The following SRD5A2 variants were observed in gnomAD, a reference collection of about 807,000 sequenced individuals.
SRD5A2 encodes steroid 5 alpha-reductase 2, also known as 3-oxo-5-alpha-steroid 4-dehydrogenase 2.
A neutral mutation model predicts 27.4 loss-of-function variants in SRD5A2; 30 were observed. The ratio of observed to expected loss-of-function variants is 1.10; its 90% CI spans 0.82 to 1.49. The LOEUF (loss-of-function observed/expected upper bound fraction) is 1.49, where lower values mean the gene tolerates loss of function less well. SRD5A2 is among the 40% of genes most tolerant of loss of function. SRD5A2 has a pLI of 0.00. For missense variants in SRD5A2, 348 were observed against 323.4 expected, an observed-to-expected ratio of 1.08 and a Z score of -0.58; for synonymous variants, 141 against 133.6, an observed-to-expected ratio of 1.06 and a Z score of -0.38.
At chr2:31,591,765 T>G in the SRD5A2 span, among the ~76,000 whole-genome samples, 1 of 61,756 alleles carries the variant, frequency 1.6e-5, no homozygotes, top group Non-Finnish European at 3.1e-5. Context: ...CCATNAAAAA[T>G]GATGAGTTCA....
the SRD5A2 span, among the ~76,000 whole-genome samples, chr2:31,646,845 A>C: frequency 6.6e-6 from 1 of 152,190 alleles, no homozygotes; most frequent in Non-Finnish European, 1.5e-5. Flanking sequence ...AAACAAAGCA[A>C]AACAAAAAAA....
At chr2:31,583,637 AAGCAAAAAAAAAACCAAAAAAAAAG>A (rs1558379433), upstream of SRD5A2, among the ~76,000 whole-genome samples, 3 of 22,390 alleles carry the variant, frequency 1.3e-4, no homozygotes, top group Non-Finnish European at 2.3e-4. Context: ...AACAAAAAAA[AAGCAAAAAAAAAACCAAAAAAAAAG>A]CAAAAAAAAA....
At chr2:31,583,652 C>CAAAAAAAAAAAAAAAAAAAAAAAAAAAAA (rs1352139998), upstream of SRD5A2, among the ~76,000 whole-genome samples, 3 of 20,930 alleles carry the variant, frequency 1.4e-4, no homozygotes, top group African/African-American at 2.7e-4. Flanking sequence ...AAAAAAAAAC[C>CAAAAAAAAAAAAAAAAAAAAAAAAAAAAA]AAAAAAAAAG....
chr2:31,621,779 GGTATATA>G, the SRD5A2 span, among the ~76,000 whole-genome samples: 1 of 151,922 alleles, frequency 6.6e-6, no homozygotes. Flanking sequence ...TAGAACTACA[GGTATATA>G]CCACCACCCC....
chr2:31,584,125 G>T (rs1303598771), upstream of SRD5A2, among the ~76,000 whole-genome samples: 2 of 152,176 alleles, frequency 1.3e-5, no homozygotes, highest in Non-Finnish European at 2.9e-5. Flanking sequence ...GTTGGGGAAC[G>T]TATGAGCCCT....
chr2:31,536,083 T>G (rs1211156731), intron 1 of SRD5A2, among the ~76,000 whole-genome samples: 2 of 152,232 alleles, frequency 1.3e-5, no homozygotes, highest in Non-Finnish European at 2.9e-5. Flanking sequence ...AAAAAGTAAC[T>G]GATACAGGAT....
the SRD5A2 span, among the ~76,000 whole-genome samples, chr2:31,616,589 T>C: frequency 1.3e-5 from 2 of 152,186 alleles, no homozygotes; most frequent in African/African-American, 4.8e-5. Context: ...GCAGCCCCCT[T>C]TGTTTTGCCC....
At chr2:31,594,530 A>G in the SRD5A2 span, among the ~76,000 whole-genome samples, 1 of 152,190 alleles carries the variant, frequency 6.6e-6, no homozygotes, top group Non-Finnish European at 1.5e-5. Flanking sequence ...TGCACCTAAC[A>G]CTGGAGTTCC....
the SRD5A2 span, among the ~76,000 whole-genome samples, chr2:31,638,743 C>CT: frequency 1.0e-4 from 15 of 149,874 alleles, no homozygotes; most frequent in Admixed American, 2.0e-4. Context: ...TATTTCTTCT[C>CT]TTTTTTTTTC....
At chr2:31,581,427 C>A (rs960314762), upstream of SRD5A2, among the ~76,000 whole-genome samples, 1 of 152,122 alleles carries the variant, frequency 6.6e-6, no homozygotes, top group Non-Finnish European at 1.5e-5. Context: ...TTCCTTGGAC[C>A]CTGAACCATC....
chr2:31,597,771 A>T, the SRD5A2 span, among the ~76,000 whole-genome samples: 2 of 152,208 alleles, frequency 1.3e-5, no homozygotes, highest in Non-Finnish European at 2.9e-5. Flanking sequence ...TACTCCAGCA[A>T]GATTGGCCAT....
chr2:31,550,019 TA>T (rs1259557086), intron 1 of SRD5A2, among the ~76,000 whole-genome samples: 3 of 151,970 alleles, frequency 2.0e-5, no homozygotes, highest in Non-Finnish European at 2.9e-5. Flanking sequence ...GACAAATTTT[TA>T]AAAAGTAAAA....
At chr2:31,602,723 G>A in the SRD5A2 span, among the ~76,000 whole-genome samples, 3 of 151,784 alleles carry the variant, frequency 2.0e-5, no homozygotes, top group African/African-American at 2.4e-5. Flanking sequence ...TGGAACAACC[G>A]AACAGAATAG....
In SRD5A2 at chr2:31,580,603, CA is replaced by C. The variant is rs1373444387; in HGVS notation, c.281+16del. ...GGCAGTGCGCTGCACTGGGCGCCCG[CA>C]AGGGAAAAACGCTACCTGTGGAAGT... On this transcript the variant is annotated intron_variant, in intron 1 of 4. Coordinates refer to ENST00000622030, the MANE Select transcript of SRD5A2 (RefSeq NM_000348.4). The C allele has an allele frequency of 5.9e-6, 9 of 1,519,372 alleles. No homozygotes were observed. Among genetic ancestry groups the C allele is most frequent in the Middle Eastern group, 2.1e-4 (1 of 4,788 alleles). 94.1% of individuals were successfully genotyped at this position (1,519,372 alleles called of 1,614,324 possible). A position where few individuals can be genotyped will look rare whatever the true frequency, so the allele number is the denominator to read the frequency against.
the SRD5A2 span, among the ~76,000 whole-genome samples, chr2:31,637,155 A>T: frequency 6.6e-6 from 1 of 151,940 alleles, no homozygotes; most frequent in Admixed American, 6.6e-5. Flanking sequence ...CATTACTTGT[A>T]ATTTGTTTAT....
At chr2:31,578,177 T>C (rs1037631860) in intron 1 of SRD5A2, among the ~76,000 whole-genome samples, 1 of 152,132 alleles carries the variant, frequency 6.6e-6, no homozygotes, top group African/African-American at 2.4e-5. Context: ...TAGATGTAAT[T>C]ATGAGTATTT....
At chr2:31,536,411 A>G (rs1666028369) in intron 1 of SRD5A2, among the ~76,000 whole-genome samples, 1 of 152,206 alleles carries the variant, frequency 6.6e-6, no homozygotes, top group African/African-American at 2.4e-5. Context: ...TCTATCCAGC[A>G]GGCAAAGGAA....
the SRD5A2 span, among the ~76,000 whole-genome samples, chr2:31,645,043 T>C: frequency 3.3e-5 from 5 of 152,188 alleles, no homozygotes; most frequent in Non-Finnish European, 7.3e-5. Flanking sequence ...CATCGCAATT[T>C]TGAGAAACAG....
chr2:31,572,644 A>C (rs928414361), intron 1 of SRD5A2, among the ~76,000 whole-genome samples: 15 of 152,338 alleles, frequency 9.8e-5, no homozygotes, highest in African/African-American at 3.6e-4. Context: ...TCACATGAGT[A>C]ACTTTTGGCA....
Sources: allele counts gnomAD v4.1 joint callset (sites outside exome capture counted in the v4.1 genomes callset), GRCh38; gene constraint gnomAD v4.1.1; transcripts MANE v1.5; gene names NCBI Gene and HGNC (gene_info 2026-07-23, HGNC 2026-07-21).